DOCK1: variants seen among roughly 807,000 people sequenced by gnomAD.
DOCK1 encodes the protein dedicator of cytokinesis 1.
A neutral mutation model predicts 262.7 loss-of-function variants in DOCK1; 138 were observed. The observed-to-expected ratio is 0.53, with a 90% CI of 0.46 to 0.61. The LOEUF is 0.61. DOCK1 is among the 20% of genes least tolerant of loss of function. The pLI, the probability that DOCK1 is intolerant of heterozygous loss-of-function variation, is 0.00. For missense variants in DOCK1, 1,908 were observed against 2,370.7 expected, an observed-to-expected ratio of 0.80 and a Z score of 4.05; for synonymous variants, 866 against 867.4, an observed-to-expected ratio of 1.00 and a Z score of 0.03.
chr10:127,334,967 G>C (rs1398138231), intron 29 of DOCK1, among the ~76,000 whole-genome samples: 1 of 152,154 alleles, frequency 6.6e-6, no homozygotes, highest in Admixed American at 6.5e-5. Flanking sequence ...TTTTCTGCAA[G>C]GACTCAGGGA....
rs1209380373 is a variant in DOCK1 at position 127,244,921 on chromosome 10, A to G, written c.2848-3087A>G. Among the ~76,000 whole-genome samples, 3 of 152,200 alleles carry G rather than the reference A, an allele frequency of 2.0e-5. No homozygotes were observed. The East Asian group carries it at 5.8e-4, about 29-fold the overall frequency. On this transcript the variant is annotated intron_variant, in intron 27 of 51. Transcript: ENST00000623213. The stretch of plus-strand genomic sequence containing the variant: ...TAGGAGTCATCTCCCAAATGCATTT[A>G]AAATAAATCAGTTAAAGCACAGAAT...
chr10:127,271,237 A>T (rs1028750477), intron 29 of DOCK1, among the ~76,000 whole-genome samples: 1 of 152,158 alleles, frequency 6.6e-6, no homozygotes, highest in Non-Finnish European at 1.5e-5. Context: ...CTGTCTGGGT[A>T]GCAAGGCTCA....
In DOCK1 at chr10:127,121,851, C is replaced by T. The variant is rs184088214; in HGVS notation, c.2624-3623C>T. Among the ~76,000 whole-genome samples, 258 of 152,252 alleles carry T rather than the reference C, an allele frequency of 1.7e-3. 1 individual carries two copies. Among genetic ancestry groups the T allele is most frequent in the African/African-American group, 5.7e-3 (238 of 41,536 alleles). ...TTGAGGGTTGAGAGTGGCAGACCTG[C>T]TTTTAACTGCAGACTTTAGTTTGAT... is the stretch of plus-strand genomic sequence containing the variant. On this transcript the variant is annotated intron_variant, in intron 25 of 51. Coordinates refer to ENST00000623213, the MANE Select transcript of DOCK1 (RefSeq NM_001290223.2).
At chr10:127,311,532 A>T (rs1418879187) in intron 29 of DOCK1, among the ~76,000 whole-genome samples, 1 of 152,152 alleles carries the variant, frequency 6.6e-6, no homozygotes, top group African/African-American at 2.4e-5. Flanking sequence ...GGAATTTTGG[A>T]TGTTCAGATT....
intron 1 of DOCK1, among the ~76,000 whole-genome samples, chr10:126,959,084 A>G (rs1383346637): frequency 8.5e-5 from 13 of 152,314 alleles, no homozygotes; most frequent in Admixed American, 5.9e-4. Context: ...CTGGTTGACA[A>G]TTGGTTGAGT....
At chr10:127,380,345 A>G (rs1181089451) in intron 36 of DOCK1, among the ~76,000 whole-genome samples, 5 of 152,080 alleles carry the variant, frequency 3.3e-5, no homozygotes, top group African/African-American at 1.2e-4. Context: ...AGCCAACTCA[A>G]AAGCAAAACT....
intron 27 of DOCK1, among the ~76,000 whole-genome samples, chr10:127,230,081 C>T (rs1482115564): frequency 6.6e-6 from 1 of 152,126 alleles, no homozygotes; most frequent in Non-Finnish European, 1.5e-5. Flanking sequence ...ATATGTCTGT[C>T]CATTTCCTTT....
At chr10:127,400,310 G>T (rs989229144) in intron 38 of DOCK1, among the ~76,000 whole-genome samples, 1 of 152,208 alleles carries the variant, frequency 6.6e-6, no homozygotes, top group African/African-American at 2.4e-5. Context: ...ACTTCAGTGG[G>T]GTCATCCTGG....
At chr10:127,089,457 T>C (rs1459222969) in intron 23 of DOCK1, among the ~76,000 whole-genome samples, 1 of 152,114 alleles carries the variant, frequency 6.6e-6, no homozygotes, top group East Asian at 1.9e-4. Context: ...TTCCTTCCAT[T>C]CTGCTGTTCA....
rs749011141 is a variant in DOCK1, at chr10:126,987,573, A to G, written c.280A>G (p.Thr94Ala). The G allele has an allele frequency of 6.3e-7, 1 of 1,576,532 alleles. No individual in the cohort carries two copies. The highest frequency in any genetic ancestry group is 1.8e-5 in the Admixed American group (1 of 54,538). ...GDLPLIQEVTTTLREWSTIWR... is the reference protein window; with the variant it reads ...GDLPLIQEVTATLREWSTIWR... ...CCTCCCCCTCATCCAGGAAGTCACCACGACACTCCGAGAGTGGTCCACCAT... is the reference window on the plus strand; with the variant it reads ...CCTCCCCCTCATCCAGGAAGTCACCGCGACACTCCGAGAGTGGTCCACCAT... Residue 94 changes from threonine to alanine, a missense_variant, in exon 5 of 52, where the codon ACG becomes GCG. By Grantham distance (58) the Thr-to-Ala change is moderately conservative (BLOSUM62 0). Transcript: ENST00000623213.
chr10:127,129,172 T>C (rs1199353831), intron 27 of DOCK1, among the ~76,000 whole-genome samples: 2 of 152,222 alleles, frequency 1.3e-5, no homozygotes, highest in Non-Finnish European at 2.9e-5. Context: ...GTCGCACAGA[T>C]GGACAAATGC....
intron 29 of DOCK1, among the ~76,000 whole-genome samples, chr10:127,328,552 T>TGCCAGGGATGGCAGGGAC (rs1267368785): frequency 1.9e-4 from 29 of 152,278 alleles, no homozygotes; most frequent in African/African-American, 6.7e-4. Context: ...ATCAGAGGCT[T>TGCCAGGGATGGCAGGGAC]GCCAGGGATG....
At chr10:127,353,045 G>T (rs761307086) in intron 31 of DOCK1, among the ~76,000 whole-genome samples, 1 of 152,122 alleles carries the variant, frequency 6.6e-6, no homozygotes, top group Non-Finnish European at 1.5e-5. Context: ...ATGGGCGCAG[G>T]GGGTGTTTGT....
At chr10:127,410,214 C>T (rs1228663425) in intron 42 of DOCK1, among the ~76,000 whole-genome samples, 1 of 152,212 alleles carries the variant, frequency 6.6e-6, no homozygotes, top group Non-Finnish European at 1.5e-5. Flanking sequence ...TGATTGCTCT[C>T]GCAAGGCATA....
chr10:127,186,399 T>C (rs1464324268), intron 27 of DOCK1, among the ~76,000 whole-genome samples: 1 of 151,624 alleles, frequency 6.6e-6, no homozygotes, highest in South Asian at 2.1e-4. Flanking sequence ...TGGTGGTGCG[T>C]GCCTGTAATC....
chr10:127,396,000 G>A (rs1265004020), intron 38 of DOCK1, among the ~76,000 whole-genome samples: 2 of 151,944 alleles, frequency 1.3e-5, no homozygotes, highest in Non-Finnish European at 2.9e-5. Context: ...CCTGTGCAGG[G>A]CATTTAATGG....
At chr10:127,247,344 G>A (rs11016914) in intron 27 of DOCK1, among the ~76,000 whole-genome samples, 4,144 of 152,034 alleles carry the variant, frequency 0.027, 176 homozygotes, top group African/African-American at 0.095. Context: ...CATTCCTCCT[G>A]TCCTTCTTCT....
At chr10:127,300,167 C>T (rs1244045730) in intron 29 of DOCK1, among the ~76,000 whole-genome samples, 1 of 152,152 alleles carries the variant, frequency 6.6e-6, no homozygotes, top group Non-Finnish European at 1.5e-5. Flanking sequence ...CTGGCATCCT[C>T]CCCGATGGCA....
intron 27 of DOCK1, among the ~76,000 whole-genome samples, chr10:127,215,048 A>T (rs952289544): frequency 1.3e-5 from 2 of 151,996 alleles, no homozygotes; most frequent in Non-Finnish European, 2.9e-5. Context: ...TGAGCCCTGC[A>T]TCTGTTTCAC....
Sources: allele counts gnomAD v4.1 joint callset (sites outside exome capture counted in the v4.1 genomes callset), GRCh38; gene constraint gnomAD v4.1.1; transcripts MANE v1.5; gene names NCBI Gene and HGNC (gene_info 2026-07-23, HGNC 2026-07-21).